PTPRN2: variants seen among roughly 807,000 people sequenced by gnomAD.
PTPRN2 encodes the protein protein tyrosine phosphatase receptor type N2.
Under a neutral mutation model 118.8 loss-of-function variants are expected in PTPRN2, and 74 were observed. The observed-to-expected ratio is 0.62, with a 90% CI of 0.52 to 0.76. The LOEUF is 0.76. Among genes scored for constraint, PTPRN2 ranks in the 30% least tolerant of loss-of-function variants. The pLI is 0.00. For missense variants in PTPRN2, 1,481 were observed against 1,394.4 expected, an observed-to-expected ratio of 1.06 and a Z score of -0.99; for synonymous variants, 641 against 608.0, an observed-to-expected ratio of 1.05 and a Z score of -0.80.
chr7:157,912,317 T>G (rs1255495372), intron 11 of PTPRN2, among the ~76,000 whole-genome samples: 1 of 152,240 alleles, frequency 6.6e-6, no homozygotes, highest in Non-Finnish European at 1.5e-5. Context: ...TCATTCATGC[T>G]TCCTCTTACA....
chr7:157,727,083 A>G (rs1285078004), intron 12 of PTPRN2, among the ~76,000 whole-genome samples: 2 of 152,202 alleles, frequency 1.3e-5, no homozygotes, highest in Non-Finnish European at 2.9e-5. Flanking sequence ...GGTTCCTCAG[A>G]GTTAGAAATG....
intron 5 of PTPRN2, among the ~76,000 whole-genome samples, chr7:158,178,781 T>G (rs189528436): frequency 1.6e-4 from 25 of 151,984 alleles, no homozygotes; most frequent in Admixed American, 1.4e-3. Context: ...GTATTTTTAG[T>G]AGAGACGAGG....
Position 158,022,790 on chromosome 7 carries a change from G to A in PTPRN2, c.1723+58508C>T, listed in dbSNP as rs1027832832. ...CCGCCATGAGTCTGGAATGCGTTCT[G>A]AGCACCCCTGGAGCAGGGCACTGTT... On this transcript the variant is annotated intron_variant, in intron 11 of 22. Coordinates refer to ENST00000389418, the MANE Select transcript of PTPRN2 (RefSeq NM_002847.5). The surrounding 1 kb of genome is among the most constrained non-coding windows in gnomAD (Gnocchi z 4.6). Among the ~76,000 whole-genome samples the A allele has an allele frequency of 1.2e-4, 19 of 152,388 alleles. No individual in the cohort carries two copies. The highest frequency in any genetic ancestry group is 2.2e-4 in the Non-Finnish European group (15 of 68,040).
At chr7:157,973,663 C>T (rs1018794316) in intron 11 of PTPRN2, among the ~76,000 whole-genome samples, 3 of 152,136 alleles carry the variant, frequency 2.0e-5, no homozygotes, top group African/African-American at 7.2e-5. Flanking sequence ...TGAATCAAAG[C>T]CCTAATTTTC....
chr7:157,999,860 GT>G (rs1440182562), intron 11 of PTPRN2, among the ~76,000 whole-genome samples: 2 of 151,826 alleles, frequency 1.3e-5, no homozygotes, highest in African/African-American at 2.4e-5. Flanking sequence ...TTGGCCTCTG[GT>G]TTTTATTTTT....
intron 4 of PTPRN2, among the ~76,000 whole-genome samples, chr7:158,204,680 C>A (rs1563600782): frequency 6.6e-6 from 1 of 152,054 alleles, no homozygotes; most frequent in African/African-American, 2.4e-5. Context: ...TGACATTAGT[C>A]CATGGTATGT....
intron 3 of PTPRN2, among the ~76,000 whole-genome samples, chr7:158,216,321 A>G (rs1158608028): frequency 1.3e-5 from 2 of 152,158 alleles, no homozygotes; most frequent in Non-Finnish European, 2.9e-5. Flanking sequence ...AAAAAATACA[A>G]GAACAAGTAG....
intron 11 of PTPRN2, among the ~76,000 whole-genome samples, chr7:157,916,671 T>C (rs1259696759): frequency 1.3e-5 from 2 of 152,186 alleles, no homozygotes; most frequent in Non-Finnish European, 2.9e-5. Context: ...AAGCGTGGCC[T>C]CGAGGAGATG....
chr7:157,571,468 G>T lies in PTPRN2; in HGVS notation c.2809C>A (p.Arg937Ser), dbSNP rs752527922. The T allele has an allele frequency of 6.2e-7, 1 of 1,610,372 alleles. No homozygotes were observed. The highest frequency in any genetic ancestry group is 8.5e-7 in the Non-Finnish European group (1 of 1,178,094). ...RRKVNKCYRG[R>S]SCPIIVHCSD... ...CAATGAACAATTATTGGACAAGAAC[G>T]GCCCCTGTAGCACTTGTTTACTTTT... The change falls in exon 20 of 23, where the codon CGT becomes AGT. Residue 937 changes from arginine (R) to serine (S), a missense_variant. Physicochemically the swap from Arg to Ser is moderately radical, Grantham distance 110 (BLOSUM62 -1). This residue lies in a region of PTPRN2 where 362 missense variants were observed against 384.1 expected (regional missense o/e 0.94). Coordinates refer to ENST00000389418, the MANE Select transcript of PTPRN2 (RefSeq NM_002847.5).
intron 6 of PTPRN2, among the ~76,000 whole-genome samples, chr7:158,143,344 C>T (rs756311396): frequency 1.4e-4 from 21 of 152,190 alleles, no homozygotes; most frequent in African/African-American, 2.7e-4. Context: ...CCGGAGCCTG[C>T]GGCAGGAACC....
intron 3 of PTPRN2, among the ~76,000 whole-genome samples, chr7:158,295,689 T>TCGTG (rs1179459018): frequency 2.7e-5 from 4 of 148,050 alleles, no homozygotes; most frequent in African/African-American, 5.0e-5. Context: ...CTGCACCACA[T>TCGTG]CGTGGTTCAC....
chr7:157,931,926 C>A (rs1486127369), intron 11 of PTPRN2, among the ~76,000 whole-genome samples: 1 of 151,974 alleles, frequency 6.6e-6, no homozygotes, highest in Non-Finnish European at 1.5e-5. Context: ...AAGTTGCTTC[C>A]CCTCCCCCCT....
At chr7:158,541,210 T>C (rs1825967667) in intron 1 of PTPRN2, among the ~76,000 whole-genome samples, 1 of 152,138 alleles carries the variant, frequency 6.6e-6, no homozygotes, top group African/African-American at 2.4e-5. Context: ...TAGGGTAAAT[T>C]TTTTGCTGTA....
intron 11 of PTPRN2, among the ~76,000 whole-genome samples, chr7:158,071,433 G>A (rs1011417943): frequency 4.1e-3 from 118 of 28,764 alleles, no homozygotes; most frequent in African/African-American, 5.0e-3. Context: ...GGAGGTGCTC[G>A]TGGTGGTGGA....
At chr7:157,572,668 TGAATGCCCAGTCTG>T (rs1217783687) in intron 19 of PTPRN2, among the ~76,000 whole-genome samples, 4 of 139,366 alleles carry the variant, frequency 2.9e-5, no homozygotes, top group South Asian at 4.4e-4. Context: ...GATGGGAGTG[TGAATGCCCAGTCTG>T]GAGGGCACCA....
chr7:158,235,421 G>T (rs538441455), intron 3 of PTPRN2, among the ~76,000 whole-genome samples: 44 of 152,298 alleles, frequency 2.9e-4, no homozygotes, highest in African/African-American at 9.1e-4. Flanking sequence ...CCATAAAAAA[G>T]GGTGCAAGCC....
chr7:158,330,845 T>C (rs1299533360), intron 2 of PTPRN2, among the ~76,000 whole-genome samples: 1 of 96,596 alleles, frequency 1.0e-5, no homozygotes, highest in African/African-American at 3.7e-5. Context: ...ATCCACATTC[T>C]CACCATAAGA....
chr7:157,679,869 A>G (rs1304037312), intron 13 of PTPRN2, among the ~76,000 whole-genome samples: 4 of 152,152 alleles, frequency 2.6e-5, no homozygotes, highest in Non-Finnish European at 4.4e-5. Flanking sequence ...AACAGAGGAC[A>G]TGAGGATTCA....
At chr7:158,376,705 C>T (rs1394632904) in intron 2 of PTPRN2, among the ~76,000 whole-genome samples, 8 of 65,720 alleles carry the variant, frequency 1.2e-4, no homozygotes, top group South Asian at 1.2e-3. Context: ...GTCCTGCACG[C>T]GGGGTCAGGG....
Sources: allele counts gnomAD v4.1 joint callset (sites outside exome capture counted in the v4.1 genomes callset), GRCh38; gene constraint gnomAD v4.1.1; regional missense constraint gnomAD v4.1.1; non-coding constraint Gnocchi (gnomAD v3.1); transcripts MANE v1.5; gene names NCBI Gene and HGNC (gene_info 2026-07-23, HGNC 2026-07-21).